Variants in PPP1R12A observed in about 807,000 individuals in gnomAD.
The protein encoded by PPP1R12A is myosin binding subunit.
In PPP1R12A, 19 loss-of-function variants were observed where a neutral mutation model predicts 139.6. The ratio of observed to expected loss-of-function variants is 0.14; its 90% CI spans 0.09 to 0.20. The LOEUF is 0.20. PPP1R12A is among the 10% of genes least tolerant of loss of function. The pLI is 1.00. For synonymous variants in PPP1R12A, 427 were observed against 420.6 expected, an observed-to-expected ratio of 1.02 and a Z score of -0.19; for missense variants, 925 against 1,211.5, an observed-to-expected ratio of 0.76 and a Z score of 3.51.
intron 1 of PPP1R12A, among the ~76,000 whole-genome samples, chr12:79,901,332 T>C (rs1332572407): frequency 1.3e-5 from 2 of 152,132 alleles, no homozygotes; most frequent in African/African-American, 4.8e-5. Flanking sequence ...TGAAGGACAT[T>C]TGGGTTGTTG....
At chr12:79,877,436 T>C (rs998200379) in intron 1 of PPP1R12A, among the ~76,000 whole-genome samples, 8 of 152,198 alleles carry the variant, frequency 5.3e-5, no homozygotes, top group Non-Finnish European at 1.2e-4. Context: ...TATTAGAAAG[T>C]AGTTTATAGA....
chr12:79,793,804 T>C, intron 19 of PPP1R12A, 59 bp downstream of exon 19: 1 of 1,335,860 alleles, frequency 7.5e-7, no homozygotes, highest in Non-Finnish European at 1.0e-6. Context: ...AAAACGCAAT[T>C]TAAAAGTAAT....
chr12:79,897,325 T>C (rs1885218973), intron 1 of PPP1R12A, among the ~76,000 whole-genome samples: 1 of 152,116 alleles, frequency 6.6e-6, no homozygotes, highest in African/African-American at 2.4e-5. Flanking sequence ...TGTTCTAACT[T>C]ATAAGTGTGA....
intron 1 of PPP1R12A, among the ~76,000 whole-genome samples, chr12:79,923,318 C>T (rs1223500584): frequency 6.6e-6 from 1 of 151,982 alleles, no homozygotes; most frequent in Admixed American, 6.6e-5. Context: ...TAATATTCAC[C>T]ATATGATAAA....
Position 79,934,938 on chromosome 12 carries a change from T to C in PPP1R12A, c.-7A>G. 6.3e-7 allele frequency: 1 copy of C among 1,578,092 alleles called. No individual in the cohort carries two copies. Among genetic ancestry groups the C allele is most frequent in the South Asian group, 1.2e-5 (1 of 86,432 alleles). ...TCGCGTCCGCCATCTTCATCCCCTC[T>C]CCTGCCGCCGGGTCTTCTTATCGCG... On this transcript the variant is annotated 5_prime_UTR_variant, in exon 1 of 25. Coordinates refer to ENST00000450142, the MANE Select transcript of PPP1R12A (RefSeq NM_002480.3).
At chr12:79,882,948 C>A (rs1372509734) in intron 1 of PPP1R12A, among the ~76,000 whole-genome samples, 2 of 152,062 alleles carry the variant, frequency 1.3e-5, no homozygotes, top group African/African-American at 4.8e-5. Flanking sequence ...ACCAGCCTGA[C>A]CAACATGGTG....
intron 22 of PPP1R12A, among the ~76,000 whole-genome samples, chr12:79,783,691 A>G (rs1316321191): frequency 6.6e-6 from 1 of 152,240 alleles, no homozygotes; most frequent in Non-Finnish European, 1.5e-5. Context: ...AATAATAACA[A>G]CACATGTAAA....
intron 2 of PPP1R12A, among the ~76,000 whole-genome samples, chr12:79,846,802 C>T (rs569624161): frequency 1.8e-4 from 28 of 151,796 alleles, no homozygotes; most frequent in African/African-American, 6.8e-4. Context: ...AATGTACAGC[C>T]CTCACTGATC....
At chr12:79,864,301 G>A (rs1328453236) in intron 2 of PPP1R12A, among the ~76,000 whole-genome samples, 1 of 152,096 alleles carries the variant, frequency 6.6e-6, no homozygotes, top group Non-Finnish European at 1.5e-5. Context: ...TGAAAACAAA[G>A]ACACAACGTA....
At chr12:79,872,046 C>T (rs950716190) in intron 2 of PPP1R12A, among the ~76,000 whole-genome samples, 6 of 152,000 alleles carry the variant, frequency 3.9e-5, no homozygotes, top group Admixed American at 3.9e-4. Context: ...GATATTGTAT[C>T]TCCAGCACAA....
chr12:79,897,422 T>C (rs1404421251), intron 1 of PPP1R12A, among the ~76,000 whole-genome samples: 2 of 150,624 alleles, frequency 1.3e-5, no homozygotes, highest in Non-Finnish European at 3.0e-5. Flanking sequence ...GTGGGAAGAG[T>C]TGAAAAACTG....
At chr12:79,794,794 T>C (rs1480875963) in intron 18 of PPP1R12A, among the ~76,000 whole-genome samples, 1 of 152,070 alleles carries the variant, frequency 6.6e-6, no homozygotes, top group African/African-American at 2.4e-5. Flanking sequence ...TAAAAAATAT[T>C]TTTATAACAA....
intron 2 of PPP1R12A, among the ~76,000 whole-genome samples, chr12:79,855,423 A>C (rs948024019): frequency 6.6e-6 from 1 of 152,158 alleles, no homozygotes; most frequent in Non-Finnish European, 1.5e-5. Flanking sequence ...TACTGTGAAT[A>C]GTGCTGCGAT....
At position 79,786,361 on chromosome 12, in the gene PPP1R12A, A is replaced by C. The variant is rs1871133589; in HGVS notation, c.2907+13T>G. ...CATTACCTTGAGAGTAACAAAAAGA[A>C]AAGGGTACAAACCTGGGTGGCCTTT... is the stretch of plus-strand genomic sequence containing the variant. On this transcript the variant is annotated intron_variant, in intron 22 of 24. Transcript: ENST00000450142. The C allele has an allele frequency of 6.8e-7, 1 of 1,470,392 alleles. No homozygotes were observed. Among genetic ancestry groups the C allele is most frequent in the Non-Finnish European group, 9.2e-7 (1 of 1,087,098 alleles). 91.1% of individuals were successfully genotyped at this position (1,470,392 alleles called of 1,614,324 possible). A position where few individuals can be genotyped will look rare whatever the true frequency, so the allele number is the denominator to read the frequency against.
chr12:79,811,311 A>T (rs1428014006), intron 9 of PPP1R12A, among the ~76,000 whole-genome samples: 1 of 152,218 alleles, frequency 6.6e-6, no homozygotes, highest in Non-Finnish European at 1.5e-5. Flanking sequence ...TGCTATCAAT[A>T]GTGTCTAAGC....
intron 1 of PPP1R12A, among the ~76,000 whole-genome samples, chr12:79,881,607 C>A (rs1327312832): frequency 6.6e-6 from 1 of 152,192 alleles, no homozygotes; most frequent in Non-Finnish European, 1.5e-5. Context: ...CAAGGTGAAG[C>A]AGCAAGTGCT....
chr12:79,805,145 A>C (rs1462956491), intron 14 of PPP1R12A, among the ~76,000 whole-genome samples: 1 of 152,230 alleles, frequency 6.6e-6, no homozygotes, highest in Non-Finnish European at 1.5e-5. Flanking sequence ...CCTTACCAAG[A>C]GAAGAAATTC....
intron 3 of PPP1R12A, among the ~76,000 whole-genome samples, chr12:79,833,606 T>G (rs1460061235): frequency 4.6e-5 from 7 of 150,978 alleles, no homozygotes; most frequent in African/African-American, 1.7e-4. Flanking sequence ...GGGCAGATCA[T>G]TTGAGGTCAG....
intron 1 of PPP1R12A, among the ~76,000 whole-genome samples, chr12:79,895,433 A>G (rs1022818990): frequency 1.3e-5 from 2 of 152,214 alleles, no homozygotes; most frequent in African/African-American, 4.8e-5. Context: ...TGACTTCAAA[A>G]TTAAAATATA....
Sources: allele counts gnomAD v4.1 joint callset (sites outside exome capture counted in the v4.1 genomes callset), GRCh38; gene constraint gnomAD v4.1.1; transcripts MANE v1.5; gene names NCBI Gene and HGNC (gene_info 2026-07-23, HGNC 2026-07-21).